The following SMAD1 variants were observed in gnomAD, a reference collection of about 807,000 sequenced individuals.
SMAD1 encodes MAD, mothers against decapentaplegic homolog 1.
In SMAD1, 6 loss-of-function variants were observed where a neutral mutation model predicts 41.6. The observed-to-expected ratio is 0.14, with a 90% confidence interval of 0.08 to 0.28. The LOEUF is 0.28. Among genes scored for constraint, SMAD1 ranks in the 10% least tolerant of loss-of-function variants. SMAD1 has a pLI of 1.00. For synonymous variants in SMAD1, 206 were observed against 203.2 expected (o/e 1.01, Z -0.12); for missense variants, 379 against 582.6 (o/e 0.65, Z 3.60).
intron 2 of SMAD1, among the ~76,000 whole-genome samples, chr4:145,521,253 G>A (rs1730725609): frequency 6.6e-6 from 1 of 152,082 alleles, no homozygotes; most frequent in Admixed American, 6.6e-5. Flanking sequence ...TCTAACTGTG[G>A]TATTGAGAAG....
chr4:145,529,338 T>TAA (rs1253984389), intron 2 of SMAD1, among the ~76,000 whole-genome samples: 1 of 152,020 alleles, frequency 6.6e-6, no homozygotes, highest in Non-Finnish European at 1.5e-5. Flanking sequence ...AGCAGATAAA[T>TAA]ACTTGGCAAA....
intron 1 of SMAD1, among the ~76,000 whole-genome samples, chr4:145,511,494 A>G (rs575629769): frequency 1.1e-4 from 16 of 152,084 alleles, no homozygotes; most frequent in African/African-American, 3.6e-4. Flanking sequence ...CTACTCTGGA[A>G]CTCCTCAAGC....
At chr4:145,494,128 GT>G (rs11355954) in intron 1 of SMAD1, among the ~76,000 whole-genome samples, 6,897 of 151,904 alleles carry the variant, frequency 0.045, 470 homozygotes, top group African/African-American at 0.14. Context: ...TGCCCAGCTA[GT>G]TTTTGTATTT....
chr4:145,557,464 C>T (rs1348857586), intron 6 of SMAD1, among the ~76,000 whole-genome samples: 3 of 152,234 alleles, frequency 2.0e-5, no homozygotes, highest in Non-Finnish European at 1.5e-5. Context: ...TATTACATTA[C>T]TATCAGTAAT....
intron 1 of SMAD1, among the ~76,000 whole-genome samples, chr4:145,486,284 T>C (rs1002941549): frequency 3.3e-5 from 5 of 152,234 alleles, no homozygotes; most frequent in African/African-American, 1.2e-4. Context: ...ATTAGTTTTA[T>C]CTCTGCTTTT....
In SMAD1 at chr4:145,514,997, G is replaced by C. The variant is rs759778197; in HGVS notation, c.384G>C (p.Lys128Asn). The C allele has an allele frequency of 1.1e-5, 17 of 1,608,106 alleles. No individual in the cohort carries two copies. In the South Asian group the frequency reaches 1.8e-4, roughly 17 times the overall value. Residue 128 changes from lysine to asparagine, a missense_variant, in exon 2 of 7, where the codon AAG (lysine) becomes AAC (asparagine). Physicochemically the swap from Lys to Asn is moderately conservative, Grantham distance 94. Around this residue, in one of 3 missense-constraint regions of SMAD1, gnomAD observed 208 missense variants for 210.5 expected, o/e 0.99. Coordinates refer to ENST00000302085, the MANE Select transcript of SMAD1 (RefSeq NM_005900.3). The surrounding 1 kb of genome is among the most constrained non-coding windows in gnomAD (Gnocchi z 4.7). The stretch of plus-strand genomic sequence containing the variant: ...TCTGCATCAATCCCTACCACTATAA[G>C]AGAGTAGAAAGCCCTGGTAAGTGAG... Reference protein sequence around the residue: ...KEVCINPYHYKRVESPVLPPV... With the variant: ...KEVCINPYHYNRVESPVLPPV...
intron 1 of SMAD1, among the ~76,000 whole-genome samples, chr4:145,485,362 C>T (rs558412835): frequency 6.6e-6 from 1 of 152,316 alleles, no homozygotes; most frequent in East Asian, 1.9e-4. Context: ...AGGTGTGAGC[C>T]ACTGCACTCG....
intron 1 of SMAD1, among the ~76,000 whole-genome samples, chr4:145,496,750 T>A (rs890327621): frequency 3.3e-5 from 5 of 152,290 alleles, no homozygotes. Context: ...AAGGGATGAC[T>A]ATACTTCTGT....
rs745647196 is a variant in SMAD1 at position 145,542,600 on chromosome 4, C to T, written c.677C>T (p.Ala226Val). Residue 226 changes from alanine (A) to valine (V), a missense_variant, in exon 4 of 7, where the codon GCT (alanine) becomes GTT (valine). By Grantham distance (64) the Ala-to-Val change is moderately conservative. This residue lies in a region of SMAD1 where 208 missense variants were observed against 210.5 expected (regional missense o/e 0.99). Transcript: ENST00000302085. ...FQMPADTPPP[A>V]YLPPEDPMTQ... Reference sequence around the variant, plus strand: ...TTTGTAGCTGATACGCCCCCACCTGCTTACCTGCCTCCTGAAGACCCCATG... The same window carrying T: ...TTTGTAGCTGATACGCCCCCACCTGTTTACCTGCCTCCTGAAGACCCCATG... 6.2e-7 allele frequency: 1 copy of T among 1,609,092 alleles called. No homozygotes were observed. The highest frequency in any genetic ancestry group is 1.3e-5 in the African/African-American group (1 of 74,742).
chr4:145,523,966 C>T (rs375502429), intron 2 of SMAD1, among the ~76,000 whole-genome samples: 2 of 152,168 alleles, frequency 1.3e-5, no homozygotes, highest in East Asian at 1.9e-4. Context: ...GTGGCGCAGT[C>T]ATAGCTCACT....
Position 145,550,857 on chromosome 4 carries a change from A to G in SMAD1, c.998-2927A>G, listed in dbSNP as rs537306565. Among the ~76,000 whole-genome samples the G allele has an allele frequency of 5.9e-5, 9 of 152,314 alleles. No homozygotes were observed. The East Asian group carries it at 1.7e-3, about 29-fold the overall frequency. Reference sequence around the variant, plus strand: ...ATGTGAGAATTACATGAAGAAACCAAATTTTACTGAGAGAAAGAAAATTTG... The same window carrying G: ...ATGTGAGAATTACATGAAGAAACCAGATTTTACTGAGAGAAAGAAAATTTG... On this transcript the variant is annotated intron_variant, in intron 5 of 6. Coordinates refer to ENST00000302085, the MANE Select transcript of SMAD1 (RefSeq NM_005900.3).
chr4:145,509,601 A>G (rs941832097), intron 1 of SMAD1, among the ~76,000 whole-genome samples: 1 of 152,182 alleles, frequency 6.6e-6, no homozygotes, highest in African/African-American at 2.4e-5. Context: ...TGAAGAAGAG[A>G]TGGACATATA....
At chr4:145,524,537 T>G (rs542448929) in intron 2 of SMAD1, among the ~76,000 whole-genome samples, 1 of 152,336 alleles carries the variant, frequency 6.6e-6, no homozygotes, top group African/African-American at 2.4e-5. Context: ...TTGCCAAATC[T>G]ACTTTAATTT....
At chr4:145,532,116 C>T (rs183428962) in intron 2 of SMAD1, among the ~76,000 whole-genome samples, 2 of 152,132 alleles carry the variant, frequency 1.3e-5, no homozygotes, top group African/African-American at 2.4e-5. Flanking sequence ...CATGCTTTTC[C>T]GTGTACCTTA....
intron 2 of SMAD1, among the ~76,000 whole-genome samples, chr4:145,516,437 G>A (rs1013153001): frequency 2.6e-5 from 4 of 152,072 alleles, no homozygotes; most frequent in African/African-American, 9.7e-5. Context: ...CTGTGCTCTT[G>A]AGCATAATAT....
At chr4:145,486,181 G>T (rs1233104692) in intron 1 of SMAD1, among the ~76,000 whole-genome samples, 1 of 152,092 alleles carries the variant, frequency 6.6e-6, no homozygotes, top group Non-Finnish European at 1.5e-5. Flanking sequence ...TCGTTCTTTT[G>T]TAAGTGTTTA....
chr4:145,510,898 TA>T (rs1730038643), intron 1 of SMAD1, among the ~76,000 whole-genome samples: 1 of 152,224 alleles, frequency 6.6e-6, no homozygotes, highest in African/African-American at 2.4e-5. Context: ...ATTTGGAATT[TA>T]AAAACTACAT....
At chr4:145,550,286 G>A (rs556022746) in intron 5 of SMAD1, among the ~76,000 whole-genome samples, 1 of 152,172 alleles carries the variant, frequency 6.6e-6, no homozygotes, top group Non-Finnish European at 1.5e-5. Context: ...GCTAAGGCAG[G>A]TGGATCAGTT....
chr4:145,539,922 A>G lies in SMAD1; in HGVS notation c.519A>G (p.Pro173=). 6.2e-7 allele frequency: 1 copy of G among 1,614,038 alleles called. No homozygotes were observed. Among genetic ancestry groups the G allele is most frequent in the South Asian group, 1.1e-5 (1 of 91,080 alleles). Residue 173 remains proline (P), a synonymous_variant, in exon 3 of 7, where the codon CCA becomes CCG. Coordinates refer to ENST00000302085, the MANE Select transcript of SMAD1 (RefSeq NM_005900.3). The part of the protein sequence containing the change: ...EPHMPLNATF[P]DSFQQPNSHP... ...ACATGCCACTCAACGCCACTTTTCC[A>G]GATTCTTTCCAGCAACCCAACAGCC...
Sources: allele counts gnomAD v4.1 joint callset (sites outside exome capture counted in the v4.1 genomes callset), GRCh38; gene constraint gnomAD v4.1.1; regional missense constraint gnomAD v4.1.1; non-coding constraint Gnocchi (gnomAD v3.1); transcripts MANE v1.5; gene names NCBI Gene and HGNC (gene_info 2026-07-23, HGNC 2026-07-21).